Variants in ABCA2 observed in about 807,000 individuals in gnomAD.
ABCA2 encodes the protein ATP-binding cassette sub-family A member 2.
In ABCA2, 84 loss-of-function variants were observed where a neutral mutation model predicts 262.8. The observed-to-expected ratio is 0.32, with a 90% confidence interval of 0.27 to 0.38. ABCA2 has a LOEUF of 0.38. ABCA2 is among the 10% of genes least tolerant of loss of function. The pLI is 1.00. For missense variants in ABCA2, 2,662 were observed against 3,405.9 expected (o/e 0.78, Z 5.44); for synonymous variants, 1,696 against 1,502.9 (o/e 1.13, Z -2.97).
chr9:137,020,871 C>A lies in ABCA2; in HGVS notation c.1088G>T (p.Gly363Val), dbSNP rs1831427279. 1 of 1,547,414 alleles carries A rather than the reference C, an allele frequency of 6.5e-7. No homozygotes were observed. Among genetic ancestry groups the A allele is most frequent in the Non-Finnish European group, 8.7e-7 (1 of 1,144,902 alleles). The change falls in exon 9 of 49, where the codon GGT (glycine) becomes GTT (valine). Residue 363 changes from glycine (G) to valine (V), a missense_variant. Coordinates refer to ENST00000341511, the MANE Select transcript of ABCA2 (RefSeq NM_001606.5). The part of the protein sequence containing the change: ...TGRTPGPPAS[G>V]AGGAANGTGA... ...AGTGCCATTGGCCGCCCCACCCGCA[C>A]CACTGGCTGGGGGTCCGGGGGTCCG...
rs376633527 is a variant in ABCA2, at chr9:137,014,323, C to T, written c.4085G>A (p.Arg1362Gln). 28 of 1,609,226 alleles carry T rather than the reference C, an allele frequency of 1.7e-5. No homozygotes were observed. The highest frequency in any genetic ancestry group is 4.5e-5 in the East Asian group (2 of 44,704). Residue 1362 changes from arginine (R) to glutamine (Q), a missense_variant, in exon 27 of 49, where the codon CGG becomes CAG. Coordinates refer to ENST00000341511, the MANE Select transcript of ABCA2 (RefSeq NM_001606.5). ...CTGCGACTGGGTCAGCTCCGAGCAC[C>T]GGGCCAGATTGCCAGCGTGACCCTC... ...SGEGHAGNLA[R>Q]CSELTQSQAS...
intron 40 of ABCA2, 43 bp downstream of exon 40, chr9:137,010,577 G>A (rs950985306): frequency 1.4e-6 from 2 of 1,431,586 alleles, no homozygotes; most frequent in Admixed American, 1.8e-5. Context: ...CCCTGGCCCT[G>A]GCCTACCCCA....
upstream of ABCA2, chr9:137,028,242 G>T (rs1287552573): frequency 2.0e-6 from 2 of 978,388 alleles, no homozygotes; most frequent in Non-Finnish European, 2.4e-6. The surrounding 1 kb of genome is among the most constrained non-coding windows in gnomAD (Gnocchi z 6.9). Flanking sequence ...CCGCGCGGGG[G>T]CGGGGCGCTC....
rs1564210705 is a variant in ABCA2, at chr9:137,009,350, CT to C, written c.6827+19del. The C allele has an allele frequency of 6.4e-7, 1 of 1,565,812 alleles. No individual in the cohort carries two copies. Among genetic ancestry groups the C allele is most frequent in the Non-Finnish European group, 8.6e-7 (1 of 1,162,100 alleles). The stretch of plus-strand genomic sequence containing the variant: ...CCCCCGGGCCCGCCCCAGCCCACCC[CT>C]GGCCCTGCCCCGGCTCACCGGTTCT... On this transcript the variant is annotated intron_variant, in intron 45 of 48. Coordinates refer to ENST00000341511, the MANE Select transcript of ABCA2 (RefSeq NM_001606.5).
chr9:137,028,114 C>T lies in ABCA2; in HGVS notation c.27G>A (p.Leu9=). ...TGAGCGTCACGTTCTTCCAGAGCAG[C>T]AGCTGCAGCTGGTGCAGGAAGCCCA... MGFLHQLQ[L]LLWKNVTLKR... The change falls in exon 1 of 49, where the codon CTG becomes CTA. Residue 9 remains leucine, a synonymous_variant. Transcript: ENST00000341511. The surrounding 1 kb of genome is among the most constrained non-coding windows in gnomAD (Gnocchi z 6.9). The T allele has an allele frequency of 3.0e-6, 3 of 987,332 alleles. No homozygotes were observed. The highest frequency in any genetic ancestry group is 3.6e-6 in the Non-Finnish European group (3 of 831,256). The allele number at this position is 987,332 out of a possible 1,614,324, so 61.2% of individuals were successfully genotyped here. A position where few individuals can be genotyped will look rare whatever the true frequency, so the allele number is the denominator to read the frequency against.
Position 137,018,300 on chromosome 9 carries a change from T to C in ABCA2, c.1871A>G (p.Tyr624Cys). 4 of 1,604,472 alleles carry C rather than the reference T, an allele frequency of 2.5e-6. No individual in the cohort carries two copies. The highest frequency in any genetic ancestry group is 3.4e-6 in the Non-Finnish European group (4 of 1,178,322). ...GAAGCTGGAGTTCTGGCGGATCTTGTAGTGCACGTGAGGCGGGAGCGAGCC... is the reference window on the plus strand; with the variant it reads ...GAAGCTGGAGTTCTGGCGGATCTTGCAGTGCACGTGAGGCGGGAGCGAGCC... ...KDGSLPPHVHYKIRQNSSFTE... is the reference protein window; with the variant it reads ...KDGSLPPHVHCKIRQNSSFTE... Residue 624 changes from tyrosine (Y) to cysteine (C), a missense_variant, in exon 14 of 49, where the codon TAC (tyrosine) becomes TGC (cysteine). Tyr to Cys is a radical substitution (Grantham distance 194). Coordinates refer to ENST00000341511, the MANE Select transcript of ABCA2 (RefSeq NM_001606.5).
chr9:137,015,027 C>T lies in ABCA2; in HGVS notation c.3768G>A (p.Gln1256=). The T allele has an allele frequency of 6.2e-7, 1 of 1,607,420 alleles. No individual in the cohort carries two copies. Among genetic ancestry groups the T allele is most frequent in the Non-Finnish European group, 8.5e-7 (1 of 1,177,214 alleles). The change falls in exon 25 of 49, where the codon CAG becomes CAA. Residue 1256 remains glutamine (Q), a synonymous_variant. Coordinates refer to ENST00000341511, the MANE Select transcript of ABCA2 (RefSeq NM_001606.5). ...AGGAGGCCACATGCTTGCGGATGAA[C>T]TGGGACACCTGGAGCTCGGAGCAGC... is the stretch of plus-strand genomic sequence containing the variant. The part of the protein sequence containing the change: ...LSSCSELQVS[Q]FIRKHVASCL...
Position 137,014,352 on chromosome 9 carries a change from A to G in ABCA2, c.4056T>C (p.Ser1352=), listed in dbSNP as rs1170461229. ...CCAGATTGCCAGCGTGACCCTCCCC[A>G]GACGCCGGGCCCTCCGCCCCAGGGA... ...DVLPGAEGPA[S]GEGHAGNLAR... The change falls in exon 27 of 49, where the codon TCT becomes TCC. Residue 1352 remains serine (S), a synonymous_variant. Transcript: ENST00000341511. 21 of 1,602,414 alleles carry G rather than the reference A, an allele frequency of 1.3e-5. No individual in the cohort carries two copies. The highest frequency in any genetic ancestry group is 1.7e-5 in the Non-Finnish European group (20 of 1,175,244).
chr9:137,012,979 C>A lies in ABCA2; in HGVS notation c.4867+23G>T, dbSNP rs896582831. 7.4e-6 allele frequency: 11 copies of A among 1,481,418 alleles called. No homozygotes were observed. In the East Asian group the frequency reaches 9.9e-5, roughly 13 times the overall value. The allele number at this position is 1,481,418 out of a possible 1,614,324, so 91.8% of individuals were successfully genotyped here. A position where few individuals can be genotyped will look rare whatever the true frequency, so the allele number is the denominator to read the frequency against. On this transcript the variant is annotated intron_variant, in intron 30 of 48. Coordinates refer to ENST00000341511, the MANE Select transcript of ABCA2 (RefSeq NM_001606.5). ...GGACCCCTCACTGCCCCTGCCCCCC[C>A]AGCAGGCCCCCTGAACCACTACCTG...
intron 25 of ABCA2, 37 bp from the exon 26 acceptor site, chr9:137,014,847 C>G: frequency 1.9e-6 from 3 of 1,584,638 alleles, no homozygotes; most frequent in Non-Finnish European, 2.6e-6. Flanking sequence ...GCGGCAGGGA[C>G]GCCCAGGCAG....
intron 33 of ABCA2, 31 bp downstream of exon 33, chr9:137,012,234 G>T (rs45540434): frequency 9.3e-7 from 1 of 1,074,634 alleles, no homozygotes; most frequent in African/African-American, 2.4e-5. Context: ...GCTCCTCCCC[G>T]CCCCGCCCCG....
At chr9:137,023,734 G>A in intron 3 of ABCA2, 104 bp downstream of exon 3, 1 of 711,776 alleles carries the variant, frequency 1.4e-6, no homozygotes, top group Non-Finnish European at 2.6e-6. Context: ...GGGGGCCCGG[G>A]AGGGCTGTTA....
chr9:137,014,005 T>G lies in ABCA2; in HGVS notation c.4274A>C (p.Gln1425Pro). The G allele has an allele frequency of 3.1e-6, 5 of 1,611,828 alleles. No homozygotes were observed. Among genetic ancestry groups the G allele is most frequent in the Non-Finnish European group, 4.2e-6 (5 of 1,179,840 alleles). Residue 1425 changes from glutamine to proline, a missense_variant, in exon 28 of 49, where the codon CAG (glutamine) becomes CCG (proline). Physicochemically the swap from Gln to Pro is moderately conservative, Grantham distance 76. This residue lies in a region of ABCA2 where 297 missense variants were observed against 286.5 expected (regional missense o/e 1.04). Transcript: ENST00000341511. ...CCCGCCGTCCAGCTTGCGGCTGCCCTGGCCGACCCTCGACAGGGCCTCTGC... is the reference window on the plus strand; with the variant it reads ...CCCGCCGTCCAGCTTGCGGCTGCCCGGGCCGACCCTCGACAGGGCCTCTGC... ...VEAEALSRVG[Q>P]GSRKLDGGWL...
In ABCA2 at chr9:137,009,534, C is replaced by A; in HGVS notation, c.6734+7G>T. On this transcript the variant is annotated splice_region_variant and intron_variant, in intron 44 of 48. Transcript: ENST00000341511. ...GGGGCACAAAGAGGGGGTGGGGGCG[C>A]CCTCACCTGTGTGATGTCAGCACCA... 6.2e-7 allele frequency: 1 copy of A among 1,612,658 alleles called. No homozygotes were observed. The highest frequency in any genetic ancestry group is 8.5e-7 in the Non-Finnish European group (1 of 1,179,884).
chr9:137,023,765 C>G (rs1429195871), intron 3 of ABCA2, 73 bp downstream of exon 3: 3 of 721,894 alleles, frequency 4.2e-6, no homozygotes, highest in Non-Finnish European at 7.7e-6. Context: ...GGAGGGCGCT[C>G]AAGCCAGGAC....
At position 137,008,915 on chromosome 9, in the gene ABCA2, A is replaced by T. The variant is rs375671010; in HGVS notation, c.6930+36T>A. 1.4e-4 allele frequency: 189 copies of T among 1,308,830 alleles called. 2 individuals are homozygous for T. In the African/African-American group the frequency reaches 2.3e-3, roughly 16 times the overall value. The allele number at this position is 1,308,830 out of a possible 1,614,324, so 81.1% of individuals were successfully genotyped here. A position where few individuals can be genotyped will look rare whatever the true frequency, so the allele number is the denominator to read the frequency against. ...GCCTGGCAGCGCCCCCCCACCCCGT[A>T]GCGCCCCCTCCACAACCCTGCCCGG... is the stretch of plus-strand genomic sequence containing the variant. On this transcript the variant is annotated intron_variant, in intron 46 of 48. Transcript: ENST00000341511.
chr9:137,014,736 G>A lies in ABCA2; in HGVS notation c.3957C>T (p.Phe1319=). Residue 1319 remains phenylalanine, a synonymous_variant, in exon 26 of 49, where the codon TTC becomes TTT. Transcript: ENST00000341511. ...GLMDTTLEEV[F]LKVSEEDQSL... ...ACTGATCCTCCTCCGACACCTTGAGGAACACTTCCTCCAGGGTCGTGTCCA... is the reference window on the plus strand; with the variant it reads ...ACTGATCCTCCTCCGACACCTTGAGAAACACTTCCTCCAGGGTCGTGTCCA... The A allele has an allele frequency of 6.2e-7, 1 of 1,604,058 alleles. No individual in the cohort carries two copies. Among genetic ancestry groups the A allele is most frequent in the Non-Finnish European group, 8.5e-7 (1 of 1,176,624 alleles).
Position 137,009,861 on chromosome 9 carries a change from C to T in ABCA2, c.6538G>A (p.Ala2180Thr), listed in dbSNP as rs374618311. ...ALEKLELTKY[A>T]DKPAGTYSGG... The stretch of plus-strand genomic sequence containing the variant: ...CTGTAGGTGCCAGCCGGCTTGTCTG[C>T]GTACTTGGTCAGCTCCAGCTTCTCC... Residue 2180 changes from alanine (A) to threonine (T), a missense_variant, in exon 43 of 49, where the codon GCA becomes ACA. Coordinates refer to ENST00000341511, the MANE Select transcript of ABCA2 (RefSeq NM_001606.5). The T allele has an allele frequency of 1.1e-4, 175 of 1,612,012 alleles. No individual in the cohort carries two copies. The highest frequency in any genetic ancestry group is 2.5e-4 in the East Asian group (11 of 44,882).
Position 137,017,311 on chromosome 9 carries a change from A to G in ABCA2, c.2438T>C (p.Leu813Pro), listed in dbSNP as rs1588518638. ...GATGATGCCACCGCAGGCCGAGGCC[A>G]GCTTGGCCTTGGAGTACAGCACAGA... Reference protein sequence around the residue: ...LVSVLYSKAKLASACGGIIYF... With the variant: ...LVSVLYSKAKPASACGGIIYF... Residue 813 changes from leucine (L) to proline (P), a missense_variant, in exon 18 of 49, where the codon CTG becomes CCG. Leu to Pro is a moderately conservative substitution (Grantham distance 98). Transcript: ENST00000341511. The G allele has an allele frequency of 6.2e-7, 1 of 1,612,636 alleles. No homozygotes were observed. The highest frequency in any genetic ancestry group is 8.5e-7 in the Non-Finnish European group (1 of 1,179,886).
Sources: allele counts gnomAD v4.1 joint callset, GRCh38; gene constraint gnomAD v4.1.1; regional missense constraint gnomAD v4.1.1; non-coding constraint Gnocchi (gnomAD v3.1); transcripts MANE v1.5; gene names NCBI Gene and HGNC (gene_info 2026-07-23, HGNC 2026-07-21).